EMC3: variants seen among roughly 807,000 people sequenced by gnomAD.
The protein encoded by EMC3 is ER membrane protein complex subunit 3, also known as 30 kDa protein.
In EMC3, 13 loss-of-function variants were observed where a neutral mutation model predicts 36.6. The ratio of observed to expected loss-of-function variants is 0.35; its 90% CI spans 0.23 to 0.56. EMC3 has a LOEUF of 0.56. EMC3 is among the 20% of genes least tolerant of loss of function. EMC3 has a pLI of 0.84. For missense variants in EMC3, 220 were observed against 324.5 expected (o/e 0.68, Z 2.47); for synonymous variants, 120 against 111.9 (o/e 1.07, Z -0.46).
intron 7 of EMC3, among the ~76,000 whole-genome samples, chr3:9,968,458 CTTT>C (rs2085753329): frequency 1.3e-5 from 2 of 152,168 alleles, no homozygotes; most frequent in Non-Finnish European, 2.9e-5. Flanking sequence ...ATCTGAATGG[CTTT>C]TTTATTTCTT....
At chr3:9,986,937 C>G, upstream of EMC3, 1 of 1,223,670 alleles carries the variant, frequency 8.2e-7, no homozygotes, top group Non-Finnish European at 1.0e-6. Flanking sequence ...GGCGGTGGCC[C>G]AGGCTCGGTG....
At chr3:9,996,645 A>C (rs187422707) in intron 1 of EMC3, among the ~76,000 whole-genome samples, 83 of 152,070 alleles carry the variant, frequency 5.5e-4, no homozygotes, top group Non-Finnish European at 1.0e-3. Context: ...ATTAAAAAAA[A>C]TTTTGGACTA....
At chr3:10,006,267 C>T (rs1043260799) in intron 1 of EMC3, among the ~76,000 whole-genome samples, 5 of 152,200 alleles carry the variant, frequency 3.3e-5, no homozygotes, top group Admixed American at 1.3e-4. Context: ...CTGGGGCTGC[C>T]GCAGGGTTGC....
intron 1 of EMC3, among the ~76,000 whole-genome samples, chr3:9,983,485 G>C (rs186840084): frequency 2.2e-4 from 34 of 152,194 alleles, no homozygotes; most frequent in African/African-American, 8.2e-4. Flanking sequence ...TTGGCTGGGT[G>C]CAATGGCTCA....
intron 3 of EMC3, among the ~76,000 whole-genome samples, chr3:9,976,733 AT>A (rs1234315764): frequency 2.6e-5 from 4 of 151,968 alleles, no homozygotes; most frequent in African/African-American, 7.3e-5. Flanking sequence ...GCTGAGAACT[AT>A]TTTTTTTAAT....
At chr3:9,968,075 C>T (rs991992264) in intron 7 of EMC3, among the ~76,000 whole-genome samples, 5 of 152,228 alleles carry the variant, frequency 3.3e-5, no homozygotes. Flanking sequence ...GCAGGCACCA[C>T]CATGCACAGC....
In EMC3 at chr3:9,994,408, C is replaced by G. The variant is rs1575695104; in HGVS notation, c.-241-7506G>C. On this transcript the variant is annotated intron_variant, in intron 1 of 8. Transcript: ENST00000470827. ...CTTATTTTTTGTTGGTTGGAACTTA[C>G]TGAAGGGAAAGTAGCTCTGAACTGG... The G allele has an allele frequency of 1.4e-5, 8 of 553,574 alleles. No individual in the cohort carries two copies. The East Asian group carries it at 3.2e-4, about 22-fold the overall frequency. 34.3% of individuals were successfully genotyped at this position (553,574 alleles called of 1,614,324 possible).
chr3:9,975,621 G>C lies in EMC3; in HGVS notation c.308-1133C>G, dbSNP rs556944577. ...AGGTCAGGAGATGGAGACCATCCTG[G>C]CTAACACAATGAAACCCCGTCTCTA... On this transcript the variant is annotated intron_variant, in intron 3 of 7. Transcript: ENST00000245046. Among the ~76,000 whole-genome samples the C allele has an allele frequency of 4.6e-5, 7 of 152,058 alleles. No individual in the cohort carries two copies. In the East Asian group the frequency reaches 1.4e-3, roughly 29 times the overall value.
At chr3:10,002,982 C>G in intron 1 of EMC3, 1 of 455,826 alleles carries the variant, frequency 2.2e-6, no homozygotes, top group Non-Finnish European at 4.4e-6. Flanking sequence ...AGCCTGTGGC[C>G]TTCTTCTCCA....
intron 3 of EMC3, 118 bp from the exon 4 acceptor site, chr3:9,974,606 T>G: frequency 1.6e-6 from 1 of 628,592 alleles, no homozygotes; most frequent in East Asian, 3.0e-5. Flanking sequence ...TCGCCCAGGC[T>G]GGAGTGCAGT....
upstream of EMC3, among the ~76,000 whole-genome samples, chr3:9,987,636 G>A (rs73120361): frequency 0.058 from 8,801 of 152,188 alleles, 822 homozygotes; most frequent in African/African-American, 0.2. Flanking sequence ...AAGAGGAAAT[G>A]GAGCTATTCA....
At chr3:10,004,984 C>CT (rs1328448318) in intron 1 of EMC3, 7 of 152,280 alleles carry the variant, frequency 4.6e-5, no homozygotes, top group Admixed American at 4.6e-4. Flanking sequence ...CTCCACCTCA[C>CT]TTGACAAGGA....
At chr3:9,984,783 T>C (rs1294765231) in intron 1 of EMC3, among the ~76,000 whole-genome samples, 1 of 152,172 alleles carries the variant, frequency 6.6e-6, no homozygotes, top group African/African-American at 2.4e-5. Flanking sequence ...GTGATCGCTG[T>C]AGTATAGTGG....
At chr3:10,002,899 C>T (rs1172680173) in intron 1 of EMC3, 3 of 456,622 alleles carry the variant, frequency 6.6e-6, no homozygotes, top group South Asian at 4.6e-5. Context: ...CATGGCCTTC[C>T]CCTCCACCCA....
chr3:9,964,488 C>T (rs1364560237), intron 7 of EMC3, among the ~76,000 whole-genome samples: 1 of 152,230 alleles, frequency 6.6e-6, no homozygotes, highest in Non-Finnish European at 1.5e-5. Flanking sequence ...GGTCTGACTG[C>T]AAAGTCCCCA....
upstream of EMC3, chr3:9,988,335 G>C (rs1243525626): frequency 3.5e-6 from 3 of 856,274 alleles, no homozygotes; most frequent in Admixed American, 3.5e-5. Context: ...TTTCTGGTAG[G>C]TAGAAGAGTA....
intron 1 of EMC3, among the ~76,000 whole-genome samples, chr3:9,996,899 TAA>T (rs2124932127): frequency 6.6e-6 from 1 of 152,338 alleles, no homozygotes; most frequent in East Asian, 1.9e-4. Context: ...ATCAGTAATA[TAA>T]AGTTTCTTCA....
intron 1 of EMC3, among the ~76,000 whole-genome samples, chr3:9,998,406 A>AATT (rs1553604414): frequency 1.0e-4 from 15 of 143,752 alleles, no homozygotes; most frequent in South Asian, 6.7e-4. Context: ...TAATAATAAT[A>AATT]ATTTTGCTTT....
At chr3:9,988,765 T>C, upstream of EMC3, 1 of 1,419,340 alleles carries the variant, frequency 7.0e-7, no homozygotes, top group South Asian at 1.2e-5. Flanking sequence ...TCATGTACTA[T>C]GCATTTTCAG....
Sources: allele counts gnomAD v4.1 joint callset (sites outside exome capture counted in the v4.1 genomes callset), GRCh38; gene constraint gnomAD v4.1.1; transcripts MANE v1.5; gene names NCBI Gene and HGNC (gene_info 2026-07-23, HGNC 2026-07-21).